The following UTRN variants were observed in gnomAD, a reference collection of about 807,000 sequenced individuals.
UTRN encodes the protein dystrophin-related protein 1.
UTRN carries 283 observed loss-of-function variants against 463.9 expected under a neutral mutation model. The observed-to-expected ratio is 0.61, with a 90% CI of 0.55 to 0.67. The LOEUF (loss-of-function observed/expected upper bound fraction) is 0.67, where lower values mean the gene tolerates loss of function less well. Ranked by LOEUF, UTRN falls within the 30% of genes least tolerant of loss-of-function variation. The pLI, the probability that UTRN is intolerant of heterozygous loss-of-function variation, is 0.00. For synonymous variants in UTRN, 1,442 were observed against 1,431.5 expected, an observed-to-expected ratio of 1.01 and a Z score of -0.17; for missense variants, 3,922 against 4,084.3, an observed-to-expected ratio of 0.96 and a Z score of 1.08.
chr6:144,809,140 T>G (rs7755539), intron 65 of UTRN, among the ~76,000 whole-genome samples: 23,241 of 152,182 alleles, frequency 0.15, 2,050 homozygotes, highest in South Asian at 0.26. Context: ...GAGTTCTTCT[T>G]TAAATTTCAC....
chr6:144,748,613 G>C, intron 55 of UTRN, 99 bp downstream of exon 55: 2 of 1,460,218 alleles, frequency 1.4e-6, no homozygotes, highest in Admixed American at 2.4e-5. Flanking sequence ...ATAAGGGATT[G>C]TTACAAAGCC....
chr6:144,476,578 G>T (rs1302987866), intron 25 of UTRN, among the ~76,000 whole-genome samples: 1 of 152,144 alleles, frequency 6.6e-6, no homozygotes, highest in Non-Finnish European at 1.5e-5. Flanking sequence ...GTGAAATGAT[G>T]ACTACCATTC....
intron 35 of UTRN, 127 bp from the exon 36 acceptor site, chr6:144,513,782 G>A: frequency 1.0e-6 from 1 of 998,680 alleles, no homozygotes; most frequent in East Asian, 2.7e-5. Context: ...AGCTCTGCAG[G>A]AAGGTGAAAG....
At chr6:144,839,058 A>G in intron 71 of UTRN, 115 bp from the exon 72 acceptor site, 1 of 702,670 alleles carries the variant, frequency 1.4e-6, no homozygotes, top group Non-Finnish European at 2.3e-6. Flanking sequence ...CTGAAGGCAA[A>G]GACTTCTATA....
At chr6:144,642,664 G>A (rs1777888438) in intron 51 of UTRN, among the ~76,000 whole-genome samples, 2 of 152,116 alleles carry the variant, frequency 1.3e-5, no homozygotes, top group South Asian at 4.1e-4. Flanking sequence ...TTATTTTGGG[G>A]AAATTACAAA....
intron 64 of UTRN, among the ~76,000 whole-genome samples, chr6:144,801,061 T>A (rs1333058326): frequency 1.3e-5 from 2 of 152,202 alleles, no homozygotes; most frequent in Non-Finnish European, 2.9e-5. Flanking sequence ...AAACAACTTG[T>A]TTAAGAAATC....
At chr6:144,566,564 G>A (rs1454369953) in intron 50 of UTRN, among the ~76,000 whole-genome samples, 1 of 152,048 alleles carries the variant, frequency 6.6e-6, no homozygotes, top group Non-Finnish European at 1.5e-5. Flanking sequence ...TCTCTGGGTG[G>A]TGTCATTCCT....
At chr6:144,447,438 C>T in intron 15 of UTRN, 120 bp downstream of exon 15, 1 of 1,264,220 alleles carries the variant, frequency 7.9e-7, no homozygotes, top group East Asian at 2.5e-5. Flanking sequence ...CATTAGACTG[C>T]TGCCCTGTAA....
rs1161068031 is a variant in UTRN, at chr6:144,635,132, TTG to T, written c.7480-43268_7480-43267del. On this transcript the variant is annotated intron_variant, in intron 51 of 74. Coordinates refer to ENST00000367545, the MANE Select transcript of UTRN (RefSeq NM_007124.3). ...TCAACAATCTAAAACCTCCAGTTAT[TTG>T]TGTGTTTTTTTTTTTTTTTTTTTTT... 2.6e-3 allele frequency among the ~76,000 whole-genome samples: 374 copies of T among 146,202 alleles called. 2 individuals carry two copies. The highest frequency in any genetic ancestry group is 4.1e-3 in the Non-Finnish European group (279 of 67,558).
chr6:144,505,108 C>A (rs920369677), intron 34 of UTRN, among the ~76,000 whole-genome samples: 1 of 151,956 alleles, frequency 6.6e-6, no homozygotes, highest in Non-Finnish European at 1.5e-5. Context: ...TGGTGATACC[C>A]CCTTTATCTT....
At position 144,836,345 on chromosome 6, in the gene UTRN, G is replaced by A. The variant is rs749292468; in HGVS notation, c.9869G>A (p.Arg3290Gln). ...EYEQLKDQHL[R>Q]RGLPVGSPPE... ...GAGCAGCTGAAGGACCAGCACCTCC[G>A]AAGGGGGCTCCCTGTCGGTTCACCG... Residue 3290 changes from arginine to glutamine, a missense_variant, in exon 71 of 75, where the codon CGA (arginine) becomes CAA (glutamine). Arg to Gln is a conservative substitution (Grantham distance 43, BLOSUM62 1). Transcript: ENST00000367545. 40 of 1,613,964 alleles carry A rather than the reference G, an allele frequency of 2.5e-5. No individual in the cohort carries two copies. Among genetic ancestry groups the A allele is most frequent in the African/African-American group, 5.3e-5 (4 of 74,904 alleles).
intron 19 of UTRN, among the ~76,000 whole-genome samples, chr6:144,455,425 T>C (rs1026343224): frequency 1.3e-5 from 2 of 152,170 alleles, no homozygotes; most frequent in Admixed American, 6.5e-5. Flanking sequence ...TTATAATGCA[T>C]TGGATGTTGA....
At position 144,523,016 on chromosome 6, in the gene UTRN, A is replaced by C; in HGVS notation, c.5734A>C (p.Asn1912His). 6.3e-7 allele frequency: 1 copy of C among 1,579,672 alleles called. No homozygotes were observed. Among genetic ancestry groups the C allele is most frequent in the Non-Finnish European group, 8.6e-7 (1 of 1,165,648 alleles). ...TTAATCTATGACAATATATTTTTAGAATATCAAAGACCAACTGGACAAACT... is the reference window on the plus strand; with the variant it reads ...TTAATCTATGACAATATATTTTTAGCATATCAAAGACCAACTGGACAAACT... ...DFSFQEDSLK[N>H]IKDQLDKLGE... is the part of the protein sequence containing the mutation. Residue 1912 changes from asparagine to histidine, a missense_variant and splice_region_variant, in exon 41 of 75, where the codon AAT becomes CAT. Physicochemically the swap from Asn to His is moderately conservative, Grantham distance 68. This residue lies in a region of UTRN where 2,349 missense variants were observed against 2,303.8 expected (regional missense o/e 1.02). Transcript: ENST00000367545.
chr6:144,521,941 A>T (rs1482773009), intron 39 of UTRN, 39 bp from the exon 40 acceptor site: 1 of 1,117,598 alleles, frequency 8.9e-7, no homozygotes, highest in East Asian at 3.8e-5. Context: ...TAAGAGATAT[A>T]TATATATATA....
At chr6:144,699,991 A>C in intron 52 of UTRN, 96 bp from the exon 53 acceptor site, 1 of 1,239,244 alleles carries the variant, frequency 8.1e-7, no homozygotes, top group Non-Finnish European at 1.1e-6. Flanking sequence ...TTACTTGGTC[A>C]GATAAGATTA....
At chr6:144,566,090 AAT>A (rs1800378810) in intron 50 of UTRN, among the ~76,000 whole-genome samples, 1 of 152,170 alleles carries the variant, frequency 6.6e-6, no homozygotes, top group Non-Finnish European at 1.5e-5. Flanking sequence ...TAAGAACTGG[AAT>A]GCATTTTTCA....
In UTRN at chr6:144,828,841, C is replaced by T; in HGVS notation, c.9651C>T (p.Ser3217=). 2 of 1,613,386 alleles carry T rather than the reference C, an allele frequency of 1.2e-6. No individual in the cohort carries two copies. Among genetic ancestry groups the T allele is most frequent in the Non-Finnish European group, 1.7e-6 (2 of 1,179,550 alleles). The change falls in exon 69 of 75, where the codon TCC becomes TCT. Residue 3217 remains serine, a synonymous_variant. Coordinates refer to ENST00000367545, the MANE Select transcript of UTRN (RefSeq NM_007124.3). ...TNGSFLTDSS[S]TTGSVEDEHA... is the part of the protein sequence containing the mutation. ...GGTCTTTTCTCACTGATAGCAGCTCCACCACAGGAAGTGTGTAAGTAAATC... is the reference window on the plus strand; with the variant it reads ...GGTCTTTTCTCACTGATAGCAGCTCTACCACAGGAAGTGTGTAAGTAAATC...
At chr6:144,503,738 G>A (rs886705706) in intron 34 of UTRN, among the ~76,000 whole-genome samples, 2 of 152,062 alleles carry the variant, frequency 1.3e-5, no homozygotes, top group African/African-American at 4.8e-5. Context: ...GGCTCTTTTT[G>A]TTTCCATATG....
rs150303793 is a variant in UTRN, at chr6:144,635,473, A to G, written c.7480-42933A>G. 1.8e-3 allele frequency among the ~76,000 whole-genome samples: 262 copies of G among 142,882 alleles called. 1 individual carries two copies. The highest frequency in any genetic ancestry group is 6.6e-3 in the African/African-American group (253 of 38,382). 93.7% of individuals were successfully genotyped at this position (142,882 alleles called of 152,430 possible). A position where few individuals can be genotyped will look rare whatever the true frequency, so the allele number is the denominator to read the frequency against. On this transcript the variant is annotated intron_variant, in intron 51 of 74. Transcript: ENST00000367545. ...GCCTGCAATGTCCTTTTCTGAATTC[A>G]TAGACTTCTCAGTATTACTTAGCAG...
Sources: allele counts gnomAD v4.1 joint callset (sites outside exome capture counted in the v4.1 genomes callset), GRCh38; gene constraint gnomAD v4.1.1; regional missense constraint gnomAD v4.1.1; transcripts MANE v1.5; gene names NCBI Gene and HGNC (gene_info 2026-07-23, HGNC 2026-07-21).